TANGO6: variants seen among roughly 807,000 people sequenced by gnomAD.
The protein encoded by TANGO6 is transport and golgi organization 6 homolog.
In TANGO6, 90 loss-of-function variants were observed where a neutral mutation model predicts 114.2. The ratio of observed to expected loss-of-function variants is 0.79; its 90% CI spans 0.66 to 0.94. TANGO6 has a LOEUF of 0.94. TANGO6 is among the 40% of genes least tolerant of loss of function. The pLI, the probability that TANGO6 is intolerant of heterozygous loss-of-function variation, is 0.00. For synonymous variants in TANGO6, 477 were observed against 509.8 expected (o/e 0.94, Z 0.87); for missense variants, 1,274 against 1,315.3 (o/e 0.97, Z 0.49).
At chr16:69,052,896 G>A (rs1019786083) in intron 17 of TANGO6, among the ~76,000 whole-genome samples, 7 of 151,966 alleles carry the variant, frequency 4.6e-5, no homozygotes, top group Non-Finnish European at 7.4e-5. Flanking sequence ...ATCACCTGAG[G>A]TCAGGAGTTC....
intron 17 of TANGO6, among the ~76,000 whole-genome samples, chr16:69,079,285 G>T (rs776384428): frequency 1.1e-4 from 16 of 151,808 alleles, no homozygotes; most frequent in Non-Finnish European, 2.2e-4. Context: ...AGCCGAGATC[G>T]CACATTGCAC....
chr16:68,974,869 C>T (rs1457605346), intron 15 of TANGO6, among the ~76,000 whole-genome samples: 1 of 151,976 alleles, frequency 6.6e-6, no homozygotes, highest in African/African-American at 2.4e-5. Context: ...AGTTCAAGTC[C>T]AGCCTGGGTA....
intron 17 of TANGO6, among the ~76,000 whole-genome samples, chr16:69,061,388 A>G (rs901256260): frequency 1.6e-4 from 24 of 152,008 alleles, no homozygotes; most frequent in African/African-American, 5.1e-4. Flanking sequence ...CAACATAGTG[A>G]AACCATCTCT....
chr16:69,075,047 G>C, intron 17 of TANGO6, among the ~76,000 whole-genome samples: 1 of 151,864 alleles, frequency 6.6e-6, no homozygotes, highest in Non-Finnish European at 1.5e-5. Context: ...TCGCCATGTT[G>C]CTCAGGCTGG....
intron 14 of TANGO6, among the ~76,000 whole-genome samples, chr16:68,971,160 A>T (rs1963700925): frequency 6.6e-6 from 1 of 152,246 alleles, no homozygotes; most frequent in South Asian, 2.1e-4. Flanking sequence ...CAAAAAAAAA[A>T]AAAAAAGAAA....
At chr16:68,853,386 A>T (rs1054120778) in intron 1 of TANGO6, among the ~76,000 whole-genome samples, 10 of 152,020 alleles carry the variant, frequency 6.6e-5, no homozygotes, top group Middle Eastern at 3.2e-3. Context: ...GAAAAAACAG[A>T]TATGCATCAT....
intron 15 of TANGO6, among the ~76,000 whole-genome samples, chr16:69,016,955 C>A (rs1282648675): frequency 6.6e-6 from 1 of 152,050 alleles, no homozygotes; most frequent in African/African-American, 2.4e-5. Context: ...GCCACCATAC[C>A]CAGCCTAAAA....
Position 68,856,917 on chromosome 16 carries a change from G to A in TANGO6, c.95-2967G>A, listed in dbSNP as rs149746376. Among the ~76,000 whole-genome samples the A allele has an allele frequency of 6.9e-3, 1,044 of 152,256 alleles. 15 individuals are homozygous for A. Among genetic ancestry groups the A allele is most frequent in the African/African-American group, 0.024 (986 of 41,538 alleles). On this transcript the variant is annotated intron_variant, in intron 1 of 17. Transcript: ENST00000261778. ...GAGGTCAGGAGATCGAGACCGTCCT[G>A]GCTAACACGGTGAAACCCCATCTCT...
rs76680878 is a variant in TANGO6, at chr16:68,876,934, T to C, written c.1132-1184T>C. Among the ~76,000 whole-genome samples the C allele has an allele frequency of 2.6e-5, 4 of 152,334 alleles. No individual in the cohort carries two copies. In the East Asian group the frequency reaches 7.7e-4, roughly 29 times the overall value. ...TGTAATTTATTTAACCAGCCTGTTA[T>C]TGATGCACATTTGAGTTGTTTCCAT... is the stretch of plus-strand genomic sequence containing the variant. On this transcript the variant is annotated intron_variant, in intron 5 of 17. Transcript: ENST00000261778.
intron 14 of TANGO6, among the ~76,000 whole-genome samples, chr16:68,945,659 T>G (rs1300459555): frequency 6.6e-6 from 1 of 152,158 alleles, no homozygotes; most frequent in Non-Finnish European, 1.5e-5. Context: ...TTGTAAATCT[T>G]CATTAGAGAA....
chr16:68,999,049 A>G (rs1964017689), intron 15 of TANGO6, among the ~76,000 whole-genome samples: 1 of 151,742 alleles, frequency 6.6e-6, no homozygotes, highest in Admixed American at 6.6e-5. Flanking sequence ...CACCTGGCTA[A>G]TTTTTGTATT....
chr16:68,920,241 G>A (rs1332611180), intron 12 of TANGO6, among the ~76,000 whole-genome samples: 5 of 152,272 alleles, frequency 3.3e-5, no homozygotes, highest in African/African-American at 9.6e-5. Flanking sequence ...GAGAAGTGGC[G>A]GGTACCAAGA....
chr16:69,029,437 C>T (rs929810952), intron 16 of TANGO6, among the ~76,000 whole-genome samples: 3 of 152,208 alleles, frequency 2.0e-5, no homozygotes, highest in African/African-American at 7.2e-5. Flanking sequence ...GTGCCTACTA[C>T]ATGCCAAGCA....
At chr16:68,907,932 A>G (rs952796979) in intron 10 of TANGO6, among the ~76,000 whole-genome samples, 4 of 152,182 alleles carry the variant, frequency 2.6e-5, no homozygotes, top group African/African-American at 7.2e-5. Flanking sequence ...GTAATCCCTT[A>G]TCCTTTCTGA....
intron 17 of TANGO6, among the ~76,000 whole-genome samples, chr16:69,074,767 A>C (rs1220162958): frequency 7.0e-6 from 1 of 142,800 alleles, no homozygotes; most frequent in Non-Finnish European, 1.5e-5. Context: ...TCCAGCTCTC[A>C]CTCAAAATGG....
intron 14 of TANGO6, among the ~76,000 whole-genome samples, chr16:68,936,656 C>T (rs1282327525): frequency 6.6e-6 from 1 of 152,126 alleles, no homozygotes; most frequent in Admixed American, 6.6e-5. Flanking sequence ...TATTTCTATA[C>T]TGTAGATCTG....
intron 7 of TANGO6, among the ~76,000 whole-genome samples, chr16:68,883,719 T>C (rs1417254991): frequency 6.6e-6 from 1 of 152,228 alleles, no homozygotes; most frequent in Admixed American, 6.5e-5. Flanking sequence ...GTTTTACTGT[T>C]TGAGGCACTT....
intron 16 of TANGO6, among the ~76,000 whole-genome samples, chr16:69,038,665 T>C (rs563054803): frequency 4.6e-4 from 70 of 152,304 alleles, no homozygotes; most frequent in Middle Eastern, 6.8e-3. Flanking sequence ...TTCAACTGTT[T>C]GATTTTATGA....
intron 14 of TANGO6, chr16:68,973,037 C>T: frequency 4.1e-5 from 18 of 444,408 alleles, no homozygotes; most frequent in South Asian, 2.9e-4. Context: ...ATGGGGACTG[C>T]TCATATTCAG....
Sources: gnomAD v4.1 joint callset for allele counts (sites outside exome capture counted in the v4.1 genomes callset) on GRCh38, gnomAD v4.1.1 for gene constraint, MANE v1.5 for transcripts, NCBI Gene and HGNC (gene_info 2026-07-23, HGNC 2026-07-21) for gene names.